E2F3: variants seen among roughly 807,000 people sequenced by gnomAD.
E2F3 encodes the protein transcription factor E2F3.
In E2F3, 11 loss-of-function variants were observed where a neutral mutation model predicts 44.4. The observed-to-expected ratio is 0.25, with a 90% CI of 0.16 to 0.41. The LOEUF is 0.41. Among genes scored for constraint, E2F3 ranks in the 10% least tolerant of loss-of-function variants. The probability of loss-of-function intolerance (pLI) is 1.00; values close to 1 mark genes in which losing one functional copy is unlikely to be tolerated. For missense variants in E2F3, 487 were observed against 583.6 expected (o/e 0.83, Z 1.70); for synonymous variants, 249 against 253.0 (o/e 0.98, Z 0.15).
chr6:20,449,881 C>A (rs1254475280), intron 1 of E2F3, among the ~76,000 whole-genome samples: 1 of 152,166 alleles, frequency 6.6e-6, no homozygotes, highest in Non-Finnish European at 1.5e-5. Context: ...ATATGGTTTT[C>A]CGTTCCTGTG....
rs770338281 is a variant in E2F3 at position 20,402,291 on chromosome 6, AG to A, written c.64del (p.Ala22ArgfsTer18). 6.2e-7 allele frequency: 1 copy of A among 1,607,498 alleles called. No individual in the cohort carries two copies. Among genetic ancestry groups the A allele is most frequent in the Non-Finnish European group, 8.5e-7 (1 of 1,178,360 alleles). On this transcript the variant is annotated frameshift_variant, in exon 1 of 7. Transcript: ENST00000346618. LOFTEE classifies it high-confidence loss of function. This position sits in a 1 kb window ranked among gnomAD's most constrained non-coding sequence, Gnocchi z 5.6. ...EQYLVTAGGG[E>X]GAAVVAAAAA... ...TACCTGGTGACCGCCGGGGGTGGGG[AG>A]GGGGCGGCTGTCGTCGCCGCCGCCG...
chr6:20,455,613 T>C (rs1761283572), intron 1 of E2F3, among the ~76,000 whole-genome samples: 1 of 152,234 alleles, frequency 6.6e-6, no homozygotes, highest in South Asian at 2.1e-4. Context: ...CATAGTTGGC[T>C]GAAGAGAGAG....
chr6:20,442,423 T>G (rs1760807919), intron 1 of E2F3, among the ~76,000 whole-genome samples: 1 of 152,270 alleles, frequency 6.6e-6, no homozygotes, highest in Non-Finnish European at 1.5e-5. Flanking sequence ...ATTATCTCAG[T>G]AACTTCTGTG....
intron 4 of E2F3, among the ~76,000 whole-genome samples, chr6:20,483,318 T>A (rs772936296): frequency 6.6e-6 from 1 of 152,210 alleles, no homozygotes; most frequent in South Asian, 2.1e-4. Flanking sequence ...TTCCCAGATT[T>A]TTGGTGGGTG....
At chr6:20,462,859 C>CTTTTTTT (rs780366667) in intron 1 of E2F3, among the ~76,000 whole-genome samples, 2 of 48,810 alleles carry the variant, frequency 4.1e-5, no homozygotes, top group African/African-American at 7.8e-5. Flanking sequence ...CTCTCTCTCT[C>CTTTTTTT]TTTTTTTTTT....
At chr6:20,460,500 G>T (rs1761464538) in intron 1 of E2F3, among the ~76,000 whole-genome samples, 1 of 152,040 alleles carries the variant, frequency 6.6e-6, no homozygotes, top group African/African-American at 2.4e-5. Context: ...GGTACATAAT[G>T]TTCTATAATA....
At chr6:20,467,773 C>T (rs888773105) in intron 1 of E2F3, among the ~76,000 whole-genome samples, 10 of 152,118 alleles carry the variant, frequency 6.6e-5, no homozygotes, top group Non-Finnish European at 1.5e-4. Context: ...TATTAGTTCG[C>T]ATTTCTTCAT....
chr6:20,423,193 C>T (rs1760084672), intron 1 of E2F3, among the ~76,000 whole-genome samples: 1 of 152,158 alleles, frequency 6.6e-6, no homozygotes, highest in Non-Finnish European at 1.5e-5. Context: ...GAAATTTCAT[C>T]ATTTTGCAGA....
chr6:20,412,542 G>A (rs1374259834), intron 1 of E2F3, among the ~76,000 whole-genome samples: 2 of 151,548 alleles, frequency 1.3e-5, no homozygotes, highest in Non-Finnish European at 1.5e-5. Flanking sequence ...TAACAGGACC[G>A]AAGGTTGGAT....
At chr6:20,433,485 A>G (rs1213780492) in intron 1 of E2F3, among the ~76,000 whole-genome samples, 1 of 152,222 alleles carries the variant, frequency 6.6e-6, no homozygotes, top group African/African-American at 2.4e-5. Flanking sequence ...AAACCACAGT[A>G]GAACTGGCAG....
At chr6:20,471,354 G>A (rs1188279943) in intron 1 of E2F3, among the ~76,000 whole-genome samples, 10 of 152,106 alleles carry the variant, frequency 6.6e-5, no homozygotes, top group East Asian at 3.8e-4. Flanking sequence ...AGGCCGAAGC[G>A]GGTGCATCAC....
intron 1 of E2F3, among the ~76,000 whole-genome samples, chr6:20,414,291 G>A (rs1336603874): frequency 6.6e-6 from 1 of 152,170 alleles, no homozygotes; most frequent in East Asian, 1.9e-4. Context: ...CGAGCCATCA[G>A]ATGTTATTTA....
intron 1 of E2F3, among the ~76,000 whole-genome samples, chr6:20,476,070 C>T (rs929417738): frequency 6.6e-6 from 1 of 152,046 alleles, no homozygotes; most frequent in African/African-American, 2.4e-5. Flanking sequence ...TCTAGGTTCC[C>T]GACTCAAAAC....
intron 4 of E2F3, among the ~76,000 whole-genome samples, chr6:20,486,335 C>T (rs553540595): frequency 9.9e-5 from 15 of 152,250 alleles, no homozygotes; most frequent in South Asian, 4.1e-4. Context: ...TGCAGTGGCG[C>T]GATCTCGTCT....
At chr6:20,456,686 G>A (rs975310924) in intron 1 of E2F3, among the ~76,000 whole-genome samples, 1 of 152,202 alleles carries the variant, frequency 6.6e-6, no homozygotes, top group Admixed American at 6.5e-5. Context: ...GAAAAGTATT[G>A]AGGGCTTTTT....
chr6:20,443,327 A>G (rs563535585), intron 1 of E2F3, among the ~76,000 whole-genome samples: 20 of 152,346 alleles, frequency 1.3e-4, no homozygotes, highest in African/African-American at 4.8e-4. Context: ...TACAAAAGAC[A>G]CAGTTTCTTG....
rs1219314609 is a variant in E2F3 at position 20,490,312 on chromosome 6, C to G, written c.1280C>G (p.Pro427Arg). 1 of 1,614,160 alleles carries G rather than the reference C, an allele frequency of 6.2e-7. No homozygotes were observed. The change falls in exon 7 of 7, where the codon CCT becomes CGT. Residue 427 changes from proline to arginine, a missense_variant. Physicochemically the swap from Pro to Arg is moderately radical, Grantham distance 103. Around this residue, in one of 3 missense-constraint regions of E2F3, gnomAD observed 220 missense variants for 261.7 expected, o/e 0.84. Coordinates refer to ENST00000346618, the MANE Select transcript of E2F3 (RefSeq NM_001949.5). The surrounding 1 kb of genome is among the most constrained non-coding windows in gnomAD (Gnocchi z 4.3). Reference protein sequence around the residue: ...NLEGPFVNLLPPLLQEDYLLS... With the variant: ...NLEGPFVNLLRPLLQEDYLLS... The stretch of plus-strand genomic sequence containing the variant: ...GAAGGACCGTTTGTGAACTTACTGC[C>G]TCCCCTGCTGCAAGAGGACTATCTC...
Position 20,468,581 on chromosome 6 carries a change from T to C in E2F3, c.394-11265T>C, listed in dbSNP as rs376993607. 1.2e-3 allele frequency among the ~76,000 whole-genome samples: 177 copies of C among 152,326 alleles called. 1 individual carries two copies. The highest frequency in any genetic ancestry group is 4.0e-3 in the African/African-American group (168 of 41,570). ...TTTGGGAAGCTTCATTATGTTGGCA[T>C]GATTGATTAAATCACTGGCCATTGG... is the stretch of plus-strand genomic sequence containing the variant. On this transcript the variant is annotated intron_variant, in intron 1 of 6. Coordinates refer to ENST00000346618, the MANE Select transcript of E2F3 (RefSeq NM_001949.5).
At chr6:20,477,677 AG>A (rs1474380762) in intron 1 of E2F3, among the ~76,000 whole-genome samples, 35 of 152,310 alleles carry the variant, frequency 2.3e-4, no homozygotes, top group African/African-American at 8.4e-4. Flanking sequence ...AACTTGGTCC[AG>A]GGTTCAAAGT....
Sources: allele counts gnomAD v4.1 joint callset (sites outside exome capture counted in the v4.1 genomes callset), GRCh38; gene constraint gnomAD v4.1.1; regional missense constraint gnomAD v4.1.1; non-coding constraint Gnocchi (gnomAD v3.1); transcripts MANE v1.5; gene names NCBI Gene and HGNC (gene_info 2026-07-23, HGNC 2026-07-21).